Variants in DDX46 observed in about 807,000 individuals in gnomAD.
DDX46 encodes the protein probable ATP-dependent RNA helicase DDX46.
In DDX46, 30 loss-of-function variants were observed where a neutral mutation model predicts 134.9. The observed-to-expected ratio is 0.22, with a 90% CI of 0.17 to 0.30. The LOEUF (loss-of-function observed/expected upper bound fraction) is 0.30. Among genes scored for constraint, DDX46 ranks in the 10% least tolerant of loss-of-function variants. The pLI, the probability that DDX46 is intolerant of heterozygous loss-of-function variation, is 1.00. For synonymous variants in DDX46, 415 were observed against 404.1 expected (o/e 1.03, Z -0.32); for missense variants, 622 against 1,248.7 (o/e 0.50, Z 7.56).
At chr5:134,781,887 A>G in intron 7 of DDX46, 34 bp from the exon 8 acceptor site, 1 of 1,580,742 alleles carries the variant, frequency 6.3e-7, no homozygotes, top group South Asian at 1.2e-5. Context: ...ATAGTAATGA[A>G]CTTAGCGCTT....
chr5:134,767,016 C>T lies in DDX46; in HGVS notation c.306C>T (p.Ser102=). Residue 102 remains serine, a synonymous_variant, in exon 3 of 23, where the codon TCC becomes TCT. Transcript: ENST00000452510. ...RSRSRSRGRR[S]RSSSPGNKSK... is the part of the protein sequence containing the mutation. ...GGAGTAGAAGCCGGGGCCGGCGATC[C>T]CGATCCTCCAGTCCTGGAAATAAAA... is the stretch of plus-strand genomic sequence containing the variant. 1 of 1,614,000 alleles carries T rather than the reference C, an allele frequency of 6.2e-7. No individual in the cohort carries two copies. Among genetic ancestry groups the T allele is most frequent in the South Asian group, 1.1e-5 (1 of 91,062 alleles).
In DDX46 at chr5:134,770,902, G is replaced by T; in HGVS notation, c.351-1G>T. 1.3e-6 allele frequency: 2 copies of T among 1,570,284 alleles called. No individual in the cohort carries two copies. The highest frequency in any genetic ancestry group is 2.4e-5 in the South Asian group (2 of 82,690). Reference sequence around the variant, plus strand: ...TCTTGTCTCTTTTATTTTTTTGGTAGATCTAGGTCCAAAGAGAAAACTGAT... The same window carrying T: ...TCTTGTCTCTTTTATTTTTTTGGTATATCTAGGTCCAAAGAGAAAACTGAT... On this transcript the variant is annotated splice_acceptor_variant, in intron 3 of 22. Transcript: ENST00000452510. LOFTEE classifies it high-confidence loss of function.
intron 5 of DDX46, among the ~76,000 whole-genome samples, chr5:134,777,108 G>A (rs187625621): frequency 3.3e-5 from 5 of 152,008 alleles, no homozygotes; most frequent in Non-Finnish European, 5.9e-5. Context: ...TACTCGTCAG[G>A]CTGAGGCAAG....
Position 134,816,618 on chromosome 5 carries a change from G to C in DDX46, c.2613+12G>C, listed in dbSNP as rs763338239. 7 of 1,608,558 alleles carry C rather than the reference G, an allele frequency of 4.4e-6. No homozygotes were observed. The Admixed American group carries it at 8.5e-5, about 19-fold the overall frequency. ...TCGAGTCTCAGGTATTAAGTAATTTGTTCCAAGTCTCAGTCAATACTTTTA... is the reference window on the plus strand; with the variant it reads ...TCGAGTCTCAGGTATTAAGTAATTTCTTCCAAGTCTCAGTCAATACTTTTA... On this transcript the variant is annotated intron_variant, in intron 19 of 22. Coordinates refer to ENST00000452510, the MANE Select transcript of DDX46 (RefSeq NM_001300860.2).
At chr5:134,820,477 C>T (rs1348308703) in intron 21 of DDX46, among the ~76,000 whole-genome samples, 1 of 152,146 alleles carries the variant, frequency 6.6e-6, no homozygotes, top group South Asian at 2.1e-4. Context: ...ATTCTTGTGC[C>T]TCAGCCTCCT....
intron 6 of DDX46, among the ~76,000 whole-genome samples, chr5:134,778,719 G>A (rs112683408): frequency 0.017 from 2,501 of 151,522 alleles, 68 homozygotes; most frequent in African/African-American, 0.058. Flanking sequence ...GATTACAGGC[G>A]CCTGCCACTA....
At chr5:134,792,685 T>C (rs1010369091) in intron 13 of DDX46, among the ~76,000 whole-genome samples, 4 of 152,244 alleles carry the variant, frequency 2.6e-5, no homozygotes, top group Non-Finnish European at 4.4e-5. Flanking sequence ...GTGTGAATCA[T>C]TCCTTGCCAT....
At chr5:134,766,356 G>A (rs1272397873) in intron 2 of DDX46, among the ~76,000 whole-genome samples, 4 of 152,180 alleles carry the variant, frequency 2.6e-5, no homozygotes, top group Non-Finnish European at 1.5e-5. Flanking sequence ...TTGGGAGTTC[G>A]AGACCAGCCT....
At chr5:134,762,545 C>CT (rs1561848133) in intron 1 of DDX46, among the ~76,000 whole-genome samples, 1 of 149,732 alleles carries the variant, frequency 6.7e-6, no homozygotes, top group Admixed American at 6.7e-5. Context: ...CCAGCCTGAC[C>CT]AATGTGGTGA....
At chr5:134,809,910 G>A (rs959217242) in intron 16 of DDX46, among the ~76,000 whole-genome samples, 5 of 152,122 alleles carry the variant, frequency 3.3e-5, no homozygotes. Context: ...CTACTCGGGA[G>A]GCTGAGGCAG....
rs527347668 is a variant in DDX46, at chr5:134,797,162, C to T, written c.1954+1012C>T. ...AGCCTGGGCAACAAGAGTGAAACTC[C>T]GTCTCAAAAAAAAAAAAAAAAAAAA... On this transcript the variant is annotated intron_variant, in intron 15 of 22. Coordinates refer to ENST00000452510, the MANE Select transcript of DDX46 (RefSeq NM_001300860.2). 3.7e-3 allele frequency: 403 copies of T among 110,364 alleles called. 2 individuals are homozygous for T. The highest frequency in any genetic ancestry group is 0.028 in the African/African-American group (383 of 13,558). 6.8% of individuals were successfully genotyped at this position (110,364 alleles called of 1,614,324 possible).
chr5:134,817,775 A>G (rs1222226641), intron 20 of DDX46, 61 bp downstream of exon 20: 2 of 1,414,708 alleles, frequency 1.4e-6, no homozygotes, highest in Non-Finnish European at 1.9e-6. Context: ...TGGAGGAAAA[A>G]TCTCATCTTT....
intron 15 of DDX46, among the ~76,000 whole-genome samples, chr5:134,804,326 C>G (rs543337446): frequency 4.2e-4 from 64 of 152,274 alleles, no homozygotes; most frequent in African/African-American, 1.4e-3. Context: ...TTGCCACAGA[C>G]TAAATGACAT....
At chr5:134,784,005 A>G (rs1754254299) in intron 9 of DDX46, among the ~76,000 whole-genome samples, 1 of 151,956 alleles carries the variant, frequency 6.6e-6, no homozygotes, top group Admixed American at 6.6e-5. Flanking sequence ...ATTTTTCATT[A>G]TCCCAAAAAG....
Position 134,781,267 on chromosome 5 carries a change from C to T in DDX46, c.879+21C>T, listed in dbSNP as rs376412433. ...TGGAGGTGATTTTTCTTAATTTTGA[C>T]TTTGTTTATGATACTATCCTGGAAG... is the stretch of plus-strand genomic sequence containing the variant. On this transcript the variant is annotated intron_variant, in intron 7 of 22. Transcript: ENST00000452510. 4.0e-4 allele frequency: 620 copies of T among 1,568,634 alleles called. 2 individuals carry two copies. Among genetic ancestry groups the T allele is most frequent in the Non-Finnish European group, 4.1e-4 (472 of 1,147,784 alleles).
At chr5:134,763,864 A>C (rs768714281) in intron 1 of DDX46, 40 bp from the exon 2 acceptor site, 1 of 1,563,072 alleles carries the variant, frequency 6.4e-7, no homozygotes. Context: ...ATAGAAGCTA[A>C]TGGTGTTTGC....
intron 2 of DDX46, 127 bp from the exon 3 acceptor site, chr5:134,766,790 C>T: frequency 8.7e-7 from 1 of 1,148,780 alleles, no homozygotes; most frequent in Non-Finnish European, 1.2e-6. Flanking sequence ...CTTGGCTTTA[C>T]TTCATTGAGA....
chr5:134,818,789 C>T, intron 20 of DDX46, 71 bp from the exon 21 acceptor site: 2 of 1,417,440 alleles, frequency 1.4e-6, no homozygotes, highest in Middle Eastern at 2.0e-4. Context: ...CCAGCCTAGT[C>T]TTTGTCAGCA....
intron 21 of DDX46, among the ~76,000 whole-genome samples, chr5:134,825,432 A>C (rs546412341): frequency 6.6e-6 from 1 of 152,052 alleles, no homozygotes; most frequent in Non-Finnish European, 1.5e-5. Context: ...CTGTTGTGCA[A>C]CTGTTTCTGT....
Sources: gnomAD v4.1 joint callset for allele counts (sites outside exome capture counted in the v4.1 genomes callset) on GRCh38, gnomAD v4.1.1 for gene constraint, MANE v1.5 for transcripts, NCBI Gene and HGNC (gene_info 2026-07-23, HGNC 2026-07-21) for gene names.